Variants in CELF2 observed in about 807,000 individuals in gnomAD.
CELF2 encodes CUGBP Elav-like family member 2.
CELF2 carries 8 observed loss-of-function variants against 62.6 expected under a neutral mutation model. The ratio of observed to expected loss-of-function variants is 0.13; its 90% confidence interval spans 0.07 to 0.23. CELF2 has a LOEUF of 0.23. Ranked by LOEUF, CELF2 falls within the 10% of genes least tolerant of loss-of-function variation. The pLI, the probability that CELF2 is intolerant of heterozygous loss-of-function variation, is 1.00. For missense variants in CELF2, 333 were observed against 671.0 expected (o/e 0.50, Z 5.56); for synonymous variants, 258 against 250.0 (o/e 1.03, Z -0.30).
At chr10:10,632,693 T>C in the CELF2 span, among the ~76,000 whole-genome samples, 2 of 152,278 alleles carry the variant, frequency 1.3e-5, no homozygotes, top group Admixed American at 1.3e-4. Context: ...TTTTAGAAAA[T>C]ATTTAAGTTA....
chr10:10,511,420 A>C, the CELF2 span, among the ~76,000 whole-genome samples: 4 of 151,998 alleles, frequency 2.6e-5, no homozygotes, highest in Admixed American at 2.6e-4. Flanking sequence ...CTCAAAACTA[A>C]ATAAATAAAT....
chr10:10,825,066 T>G (rs1325044662), intron 1 of CELF2, among the ~76,000 whole-genome samples: 1 of 152,192 alleles, frequency 6.6e-6, no homozygotes, highest in Non-Finnish European at 1.5e-5. Flanking sequence ...GGAAACTCAT[T>G]GGGGCTGTTT....
chr10:10,786,785 GAC>G, the CELF2 span: 1 of 152,160 alleles, frequency 6.6e-6, no homozygotes. Context: ...AAATCTGAAA[GAC>G]AGTGAATTTA....
intron 2 of CELF2, among the ~76,000 whole-genome samples, chr10:10,965,558 T>C (rs899231331): frequency 3.9e-5 from 6 of 152,222 alleles, no homozygotes; most frequent in Non-Finnish European, 8.8e-5. Context: ...GAAATCTGCA[T>C]TGCTAATGAT....
intron 2 of CELF2, among the ~76,000 whole-genome samples, chr10:10,925,969 A>G (rs1444177488): frequency 3.3e-5 from 5 of 152,112 alleles, no homozygotes; most frequent in Non-Finnish European, 7.4e-5. Flanking sequence ...TTTCTAATGC[A>G]TCTACCACTC....
the CELF2 span, among the ~76,000 whole-genome samples, chr10:10,487,777 A>G: frequency 6.6e-6 from 1 of 152,158 alleles, no homozygotes; most frequent in Non-Finnish European, 1.5e-5. Flanking sequence ...TCTTAAAATG[A>G]ATACCAAATG....
At chr10:11,149,072 GT>G (rs532912699) in intron 1 of CELF2, among the ~76,000 whole-genome samples, 2 of 151,138 alleles carry the variant, frequency 1.3e-5, no homozygotes, top group Admixed American at 6.6e-5. Flanking sequence ...ATTGACAGGT[GT>G]TTTTTTTTCT....
chr10:10,883,428 G>A (rs2061557310), intron 1 of CELF2, among the ~76,000 whole-genome samples: 1 of 152,140 alleles, frequency 6.6e-6, no homozygotes, highest in African/African-American at 2.4e-5. Flanking sequence ...CAGTCATGCT[G>A]CAATCCAATG....
chr10:11,208,752 G>A (rs997509198), intron 2 of CELF2, among the ~76,000 whole-genome samples: 2 of 152,208 alleles, frequency 1.3e-5, no homozygotes, highest in Non-Finnish European at 2.9e-5. Context: ...CTGCTATGAG[G>A]AAGAGAGGGA....
the CELF2 span, among the ~76,000 whole-genome samples, chr10:10,757,561 A>G: frequency 6.6e-6 from 1 of 152,238 alleles, no homozygotes; most frequent in African/African-American, 2.4e-5. Flanking sequence ...TATACAATCT[A>G]AAAGGCAAAT....
chr10:11,148,468 T>G (rs555015163), intron 1 of CELF2, among the ~76,000 whole-genome samples: 3 of 152,320 alleles, frequency 2.0e-5, no homozygotes, highest in African/African-American at 7.2e-5. Flanking sequence ...TGTAAATAAT[T>G]GAAGCTGAGA....
chr10:10,618,517 A>C, the CELF2 span, among the ~76,000 whole-genome samples: 5 of 152,060 alleles, frequency 3.3e-5, no homozygotes, highest in Non-Finnish European at 5.9e-5. Context: ...GAGTTCAATG[A>C]TCATACTGCA....
the CELF2 span, among the ~76,000 whole-genome samples, chr10:10,562,028 A>G: frequency 6.6e-6 from 1 of 152,212 alleles, no homozygotes; most frequent in African/African-American, 2.4e-5. Context: ...CTTCAATTCC[A>G]TCACTTACCA....
chr10:10,841,064 C>A (rs1041689888), intron 1 of CELF2, among the ~76,000 whole-genome samples: 6 of 152,094 alleles, frequency 3.9e-5, no homozygotes, highest in African/African-American at 1.4e-4. Flanking sequence ...TGTATATGTG[C>A]CACATTTTCT....
At chr10:10,611,976 A>C in the CELF2 span, among the ~76,000 whole-genome samples, 1 of 152,202 alleles carries the variant, frequency 6.6e-6, no homozygotes, top group Non-Finnish European at 1.5e-5. Flanking sequence ...CCATGATTTC[A>C]GCCTAATATG....
At chr10:11,081,073 T>C (rs2073902511) in intron 1 of CELF2, among the ~76,000 whole-genome samples, 1 of 150,600 alleles carries the variant, frequency 6.6e-6, no homozygotes, top group Non-Finnish European at 1.5e-5. Flanking sequence ...AATTATTCTT[T>C]AAATGGTGCT....
At chr10:11,115,651 A>G (rs1005867891) in intron 1 of CELF2, among the ~76,000 whole-genome samples, 1 of 152,226 alleles carries the variant, frequency 6.6e-6, no homozygotes. Flanking sequence ...GGCTGATCCC[A>G]TTACTCAAAG....
At chr10:10,653,705 T>C in the CELF2 span, among the ~76,000 whole-genome samples, 15 of 145,398 alleles carry the variant, frequency 1.0e-4, no homozygotes, top group East Asian at 3.9e-4. Context: ...ATCTCTGGGA[T>C]GCATTCAAAG....
In CELF2 at chr10:11,328,482, G is replaced by A. The variant is rs2095870727; in HGVS notation, c.1439-444G>A. ...CTTCCCTTCCCGAGCCTGCCTGTTG[G>A]CCTCACCTGGCTGGGACACGTGAGC... On this transcript the variant is annotated intron_variant, in intron 12 of 12. Coordinates refer to ENST00000633077, the MANE Select transcript of CELF2 (RefSeq NM_001326342.2). The surrounding 1 kb of genome is among the most constrained non-coding windows in gnomAD (Gnocchi z 6.4). 6.6e-6 allele frequency among the ~76,000 whole-genome samples: 1 copy of A among 152,162 alleles called. No individual in the cohort carries two copies. Among genetic ancestry groups the A allele is most frequent in the Admixed American group, 6.5e-5 (1 of 15,270 alleles).
Sources: allele counts gnomAD v4.1 joint callset (sites outside exome capture counted in the v4.1 genomes callset), GRCh38; gene constraint gnomAD v4.1.1; non-coding constraint Gnocchi (gnomAD v3.1); transcripts MANE v1.5; gene names NCBI Gene and HGNC (gene_info 2026-07-23, HGNC 2026-07-21).